BTRC: variants seen among roughly 807,000 people sequenced by gnomAD.
BTRC encodes F-box/WD repeat-containing protein 1A.
BTRC carries 42 observed loss-of-function variants against 85.5 expected under a neutral mutation model. The observed-to-expected ratio is 0.49, with a 90% confidence interval of 0.38 to 0.64. The LOEUF (loss-of-function observed/expected upper bound fraction) is 0.64. Ranked by LOEUF, BTRC falls within the 30% of genes least tolerant of loss-of-function variation. The pLI, the probability that BTRC is intolerant of heterozygous loss-of-function variation, is 0.00. For missense variants in BTRC, 594 were observed against 743.5 expected (o/e 0.80, Z 2.34); for synonymous variants, 255 against 263.3 (o/e 0.97, Z 0.30).
intron 1 of BTRC, among the ~76,000 whole-genome samples, chr10:101,389,145 T>TTTTTA (rs1943170292): frequency 7.2e-6 from 1 of 138,494 alleles, no homozygotes; most frequent in Non-Finnish European, 1.5e-5. Flanking sequence ...TTTTTTTTTT[T>TTTTTA]TTTGCTGATC....
Position 101,553,210 on chromosome 10 carries a change from C to G in BTRC, c.*87C>G, listed in dbSNP as rs955777774. The G allele has an allele frequency of 6.5e-6, 1 of 152,684 alleles. No individual in the cohort carries two copies. The highest frequency in any genetic ancestry group is 6.5e-5 in the Admixed American group (1 of 15,286). 9.5% of individuals were successfully genotyped at this position (152,684 alleles called of 1,614,324 possible). On this transcript the variant is annotated 3_prime_UTR_variant, in exon 15 of 15. Coordinates refer to ENST00000370187, the MANE Select transcript of BTRC (RefSeq NM_033637.4). ...CTGCCAATACCAGGATGAGCAACAA[C>G]AGTAACAATCAAACTACTGCCCAGT...
At chr10:101,430,859 A>T (rs893592748) in intron 2 of BTRC, among the ~76,000 whole-genome samples, 1 of 152,130 alleles carries the variant, frequency 6.6e-6, no homozygotes, top group African/African-American at 2.4e-5. Flanking sequence ...TTTTTAAATG[A>T]TTACTCAAAG....
chr10:101,467,680 TG>T (rs1483643033), intron 3 of BTRC, among the ~76,000 whole-genome samples: 1 of 152,066 alleles, frequency 6.6e-6, no homozygotes, highest in Non-Finnish European at 1.5e-5. Context: ...CCTCCTAAAG[TG>T]CTTTGGGCTT....
intron 1 of BTRC, among the ~76,000 whole-genome samples, chr10:101,359,463 T>C (rs747156462): frequency 1.3e-5 from 2 of 152,186 alleles, no homozygotes. Context: ...AGTCTCGCTC[T>C]GTTGCCCAGA....
At chr10:101,514,201 A>G (rs558551275) in intron 4 of BTRC, among the ~76,000 whole-genome samples, 1 of 152,180 alleles carries the variant, frequency 6.6e-6, no homozygotes, top group Non-Finnish European at 1.5e-5. Context: ...TTTATTGCAA[A>G]TGTTAATAAA....
At chr10:101,542,863 C>T (rs796552141) in intron 13 of BTRC, among the ~76,000 whole-genome samples, 52 of 152,158 alleles carry the variant, frequency 3.4e-4, no homozygotes, top group African/African-American at 1.2e-3. Flanking sequence ...TGGCCTGCTT[C>T]ATGGTTTTTT....
At chr10:101,430,922 A>T (rs1322519391) in intron 2 of BTRC, among the ~76,000 whole-genome samples, 1 of 151,982 alleles carries the variant, frequency 6.6e-6, no homozygotes, top group East Asian at 1.9e-4. Context: ...CTAAGTATAT[A>T]TTTTTTATAA....
chr10:101,510,061 G>T (rs1243175362), intron 4 of BTRC, among the ~76,000 whole-genome samples: 1 of 151,956 alleles, frequency 6.6e-6, no homozygotes, highest in South Asian at 2.1e-4. Flanking sequence ...AGCTACCTGG[G>T]AGGCGGAGGT....
intron 1 of BTRC, among the ~76,000 whole-genome samples, chr10:101,412,377 A>G (rs1159571127): frequency 1.3e-5 from 2 of 152,162 alleles, no homozygotes; most frequent in Non-Finnish European, 2.9e-5. Context: ...GACTAGGATA[A>G]TTTTAAGGGT....
chr10:101,534,798 C>T lies in BTRC; in HGVS notation c.1235C>T (p.Ser412Phe). The change falls in exon 10 of 15, where the codon TCC becomes TTC. Residue 412 changes from serine to phenylalanine, a missense_variant. By Grantham distance (155) the Ser-to-Phe change is radical. Coordinates refer to ENST00000370187, the MANE Select transcript of BTRC (RefSeq NM_033637.4). ...DRSIAVWDMA[S>F]PTDITLRRVL... ...TCCATTGCTGTATGGGATATGGCCTCCCCAACTGACATTACCCTCCGGAGG... is the reference window on the plus strand; with the variant it reads ...TCCATTGCTGTATGGGATATGGCCTTCCCAACTGACATTACCCTCCGGAGG... The T allele has an allele frequency of 6.2e-7, 1 of 1,614,202 alleles. No individual in the cohort carries two copies. Among genetic ancestry groups the T allele is most frequent in the Non-Finnish European group, 8.5e-7 (1 of 1,180,042 alleles).
intron 8 of BTRC, among the ~76,000 whole-genome samples, 168 bp from the exon 9 acceptor site, chr10:101,532,784 G>GTGTA (rs1554895663): frequency 0.083 from 12,163 of 145,786 alleles, 1,001 homozygotes; most frequent in African/African-American, 0.21. Context: ...GTGTGTGTGT[G>GTGTA]TGTGTGCGCG....
intron 4 of BTRC, among the ~76,000 whole-genome samples, chr10:101,497,761 C>T (rs1207399252): frequency 3.9e-5 from 6 of 152,002 alleles, no homozygotes; most frequent in Admixed American, 3.9e-4. Flanking sequence ...ATGACTCATG[C>T]CTGTAATCCC....
chr10:101,392,976 G>A (rs1371639518), intron 1 of BTRC, among the ~76,000 whole-genome samples: 2 of 152,168 alleles, frequency 1.3e-5, no homozygotes, highest in Non-Finnish European at 2.9e-5. Flanking sequence ...TCAGGAAATA[G>A]TCTGTCTCCT....
At chr10:101,401,883 A>G (rs1288659388) in intron 1 of BTRC, among the ~76,000 whole-genome samples, 1 of 151,712 alleles carries the variant, frequency 6.6e-6, no homozygotes, top group Non-Finnish European at 1.5e-5. Flanking sequence ...TTCTTTCTAG[A>G]GTGCTTAGCA....
chr10:101,536,590 A>G lies in BTRC; in HGVS notation c.1514A>G (p.His505Arg). 1 of 1,613,996 alleles carries G rather than the reference A, an allele frequency of 6.2e-7. No homozygotes were observed. The highest frequency in any genetic ancestry group is 8.5e-7 in the Non-Finnish European group (1 of 1,179,878). ...CGACLRVLEGHEELVRCIRFD... is the reference protein window; with the variant it reads ...CGACLRVLEGREELVRCIRFD... The stretch of plus-strand genomic sequence containing the variant: ...GCATGTTTACGAGTGTTAGAAGGCC[A>G]TGAGGAATTGGTGCGTTGTATTCGA... Residue 505 changes from histidine to arginine, a missense_variant, in exon 12 of 15, where the codon CAT becomes CGT. By Grantham distance (29) the His-to-Arg change is conservative. Transcript: ENST00000370187.
chr10:101,414,267 C>T (rs773328045), intron 1 of BTRC, among the ~76,000 whole-genome samples: 4 of 152,068 alleles, frequency 2.6e-5, no homozygotes, highest in Non-Finnish European at 5.9e-5. Flanking sequence ...ACTGTGTACA[C>T]GATGGTGGTC....
At chr10:101,532,797 T>TGCGCGCGC (rs5787439) in intron 8 of BTRC, among the ~76,000 whole-genome samples, 155 bp from the exon 9 acceptor site, 1 of 141,284 alleles carries the variant, frequency 7.1e-6, no homozygotes, top group Admixed American at 7.0e-5. Flanking sequence ...TGTGCGCGTG[T>TGCGCGCGC]GCGCGCGCGC....
intron 2 of BTRC, among the ~76,000 whole-genome samples, chr10:101,441,590 T>A (rs1413521373): frequency 2.0e-5 from 3 of 152,074 alleles, no homozygotes; most frequent in African/African-American, 7.2e-5. Context: ...ACTAGAAAGT[T>A]TTTTCTTGGC....
chr10:101,385,189 T>C (rs2133967718), intron 1 of BTRC, among the ~76,000 whole-genome samples: 1 of 148,262 alleles, frequency 6.7e-6, no homozygotes, highest in East Asian at 2.0e-4. Flanking sequence ...CAGAGTGAGA[T>C]CCTGTCTCTA....
Sources: allele counts gnomAD v4.1 joint callset (sites outside exome capture counted in the v4.1 genomes callset), GRCh38; gene constraint gnomAD v4.1.1; transcripts MANE v1.5; gene names NCBI Gene and HGNC (gene_info 2026-07-23, HGNC 2026-07-21).